RABGAP1L: variants seen among roughly 807,000 people sequenced by gnomAD.
RABGAP1L encodes RAB GTPase activating protein 1 like.
RABGAP1L carries 63 observed loss-of-function variants against 137.7 expected under a neutral mutation model. That is an observed-to-expected ratio of 0.46 (90% CI 0.37 to 0.56). The LOEUF (loss-of-function observed/expected upper bound fraction) is 0.56, where lower values mean the gene tolerates loss of function less well. RABGAP1L is among the 20% of genes least tolerant of loss of function. The pLI, the probability that RABGAP1L is intolerant of heterozygous loss-of-function variation, is 0.00. For synonymous variants in RABGAP1L, 431 were observed against 433.7 expected, an observed-to-expected ratio of 0.99 and a Z score of 0.08; for missense variants, 1,095 against 1,244.0, an observed-to-expected ratio of 0.88 and a Z score of 1.80.
chr1:174,892,252 G>A (rs893651234), intron 19 of RABGAP1L, among the ~76,000 whole-genome samples: 6 of 152,240 alleles, frequency 3.9e-5, no homozygotes, highest in Non-Finnish European at 5.9e-5. Context: ...ACCCGTGAGC[G>A]AACTCAGCCC....
intron 2 of RABGAP1L, among the ~76,000 whole-genome samples, chr1:174,219,783 G>A (rs1452212467): frequency 2.0e-5 from 3 of 152,100 alleles, no homozygotes; most frequent in Admixed American, 2.0e-4. Flanking sequence ...TTTAGATATG[G>A]TCCCTTTTTC....
chr1:174,435,877 T>G (rs1653224945), intron 13 of RABGAP1L, among the ~76,000 whole-genome samples: 1 of 150,158 alleles, frequency 6.7e-6, no homozygotes, highest in Non-Finnish European at 1.5e-5. Flanking sequence ...CATTGTTCGA[T>G]TCCCACCTAT....
At chr1:174,977,400 T>C (rs141996329) in intron 22 of RABGAP1L, among the ~76,000 whole-genome samples, 1 of 152,340 alleles carries the variant, frequency 6.6e-6, no homozygotes, top group Non-Finnish European at 1.5e-5. Flanking sequence ...CTTAAGCTAC[T>C]CTAGATGAGG....
intron 14 of RABGAP1L, among the ~76,000 whole-genome samples, chr1:174,653,240 G>C (rs1675691457): frequency 6.6e-6 from 1 of 152,170 alleles, no homozygotes; most frequent in Non-Finnish European, 1.5e-5. Context: ...GGGCTCCATG[G>C]GGGTGGGATC....
intron 19 of RABGAP1L, among the ~76,000 whole-genome samples, chr1:174,819,358 A>T (rs1441817014): frequency 6.6e-6 from 1 of 151,814 alleles, no homozygotes; most frequent in African/African-American, 2.4e-5. Context: ...ATTTCCAATG[A>T]CTCTTAATTT....
chr1:174,508,938 C>T (rs1254768856), intron 13 of RABGAP1L, among the ~76,000 whole-genome samples: 1 of 152,066 alleles, frequency 6.6e-6, no homozygotes, highest in East Asian at 1.9e-4. Flanking sequence ...CTGCATTTTG[C>T]ATTTAATTAA....
intron 13 of RABGAP1L, among the ~76,000 whole-genome samples, chr1:174,634,891 G>A (rs866315361): frequency 8.4e-6 from 1 of 119,028 alleles, no homozygotes; most frequent in Non-Finnish European, 1.7e-5. Context: ...GGTGGGGTGG[G>A]GGGAGGGGGG....
chr1:174,682,168 C>T (rs141094833), intron 14 of RABGAP1L, among the ~76,000 whole-genome samples: 1 of 151,922 alleles, frequency 6.6e-6, no homozygotes, highest in African/African-American at 2.4e-5. Context: ...GTAATTGCAG[C>T]TACTCAGGGG....
intron 13 of RABGAP1L, among the ~76,000 whole-genome samples, chr1:174,608,531 G>C (rs957528511): frequency 9.2e-5 from 14 of 152,304 alleles, no homozygotes; most frequent in African/African-American, 2.9e-4. Flanking sequence ...GAAGGAATCT[G>C]ATGATCTGTA....
chr1:174,861,436 T>G (rs1195026271), intron 19 of RABGAP1L, among the ~76,000 whole-genome samples: 1 of 152,214 alleles, frequency 6.6e-6, no homozygotes, highest in Non-Finnish European at 1.5e-5. Context: ...AAATATCTCT[T>G]CGAGATACTA....
intron 17 of RABGAP1L, among the ~76,000 whole-genome samples, chr1:174,703,774 T>C (rs553429558): frequency 5.9e-5 from 9 of 152,344 alleles, no homozygotes; most frequent in Admixed American, 3.3e-4. Context: ...ATAATAGCCA[T>C]TCTGACTGTC....
At chr1:174,677,686 G>A (rs1677743829) in intron 14 of RABGAP1L, among the ~76,000 whole-genome samples, 1 of 152,194 alleles carries the variant, frequency 6.6e-6, no homozygotes, top group Non-Finnish European at 1.5e-5. Flanking sequence ...ACAGAGAGCT[G>A]GGTATATACC....
At chr1:174,520,605 T>C (rs1227775146) in intron 13 of RABGAP1L, among the ~76,000 whole-genome samples, 1 of 152,254 alleles carries the variant, frequency 6.6e-6, no homozygotes, top group Non-Finnish European at 1.5e-5. Flanking sequence ...CCAGTAAATA[T>C]TTTAGAATAT....
At chr1:174,701,656 T>C (rs1345268545) in intron 16 of RABGAP1L, among the ~76,000 whole-genome samples, 1 of 149,954 alleles carries the variant, frequency 6.7e-6, no homozygotes, top group African/African-American at 2.5e-5. Context: ...GGCAGGAAAA[T>C]GGCTTGAACC....
chr1:174,773,779 T>C (rs1686308700), intron 18 of RABGAP1L, among the ~76,000 whole-genome samples: 1 of 152,232 alleles, frequency 6.6e-6, no homozygotes, highest in Non-Finnish European at 1.5e-5. Context: ...ACTTATTCTG[T>C]CATAATCTTT....
rs533828710 is a variant in RABGAP1L, at chr1:174,985,158, G to A, written c.2805+2253G>A. Among the ~76,000 whole-genome samples, 20 of 152,346 alleles carry A rather than the reference G, an allele frequency of 1.3e-4. No individual in the cohort carries two copies. In the South Asian group the frequency reaches 4.1e-3, roughly 32 times the overall value. The stretch of plus-strand genomic sequence containing the variant: ...CACTTTGGGGAGGCTGAGGTGGGCG[G>A]ATCACTTGAGTCCAGGAGTTCAACT... On this transcript the variant is annotated intron_variant, in intron 24 of 25. Transcript: ENST00000681986.
At chr1:174,833,449 G>GATAGATATATATATATATATAT (rs1692367863) in intron 19 of RABGAP1L, among the ~76,000 whole-genome samples, 5 of 27,826 alleles carry the variant, frequency 1.8e-4, no homozygotes, top group African/African-American at 3.3e-4. Flanking sequence ...TGTGTGTAGA[G>GATAGATATATATATATATATAT]ATATATATAT....
intron 13 of RABGAP1L, among the ~76,000 whole-genome samples, chr1:174,635,706 T>G (rs1467856753): frequency 1.3e-5 from 2 of 152,176 alleles, no homozygotes; most frequent in South Asian, 2.1e-4. Context: ...TCTGGATCGA[T>G]TTGTAATATG....
chr1:174,270,926 A>C (rs892637145), intron 7 of RABGAP1L, among the ~76,000 whole-genome samples: 9 of 152,172 alleles, frequency 5.9e-5, no homozygotes, highest in African/African-American at 2.2e-4. Flanking sequence ...TTAGAGAGTC[A>C]AATTTTATTT....
Sources: allele counts gnomAD v4.1 joint callset (sites outside exome capture counted in the v4.1 genomes callset), GRCh38; gene constraint gnomAD v4.1.1; transcripts MANE v1.5; gene names NCBI Gene and HGNC (gene_info 2026-07-23, HGNC 2026-07-21).